UNC5D: variants seen among roughly 807,000 people sequenced by gnomAD.
UNC5D encodes netrin receptor UNC5D.
UNC5D carries 39 observed loss-of-function variants against 105.4 expected under a neutral mutation model. The observed-to-expected ratio is 0.37, with a 90% CI of 0.29 to 0.48. The LOEUF is 0.48. UNC5D is among the 20% of genes least tolerant of loss of function. The probability of loss-of-function intolerance (pLI) is 0.98; values close to 1 mark genes in which losing one functional copy is unlikely to be tolerated. For missense variants in UNC5D, 991 were observed against 1,202.4 expected (o/e 0.82, Z 2.60); for synonymous variants, 452 against 450.4 (o/e 1.00, Z -0.04).
intron 3 of UNC5D, among the ~76,000 whole-genome samples, chr8:35,580,421 C>G (rs890276954): frequency 6.6e-6 from 1 of 151,958 alleles, no homozygotes; most frequent in African/African-American, 2.4e-5. Flanking sequence ...TAGTCCTCAG[C>G]TCTCAAATTG....
At chr8:35,681,980 G>A (rs113863678) in intron 4 of UNC5D, among the ~76,000 whole-genome samples, 9,500 of 151,882 alleles carry the variant, frequency 0.063, 811 homozygotes, top group African/African-American at 0.19. Context: ...TTGGGGGGAG[G>A]GGCGGACGGA....
At chr8:35,614,563 C>CT (rs1820892797) in intron 4 of UNC5D, among the ~76,000 whole-genome samples, 1 of 150,482 alleles carries the variant, frequency 6.6e-6, no homozygotes, top group Admixed American at 6.6e-5. Context: ...CTAATACACT[C>CT]TAAAAAAAAA....
chr8:35,282,365 TGTAAG>T (rs1312528545), intron 1 of UNC5D, among the ~76,000 whole-genome samples: 1 of 152,190 alleles, frequency 6.6e-6, no homozygotes, highest in Non-Finnish European at 1.5e-5. Flanking sequence ...ACATTCCTCT[TGTAAG>T]GAACAATAAG....
chr8:35,424,422 T>C (rs1232204272), intron 1 of UNC5D, among the ~76,000 whole-genome samples: 1 of 152,212 alleles, frequency 6.6e-6, no homozygotes, highest in East Asian at 1.9e-4. Context: ...TAAATCTCAG[T>C]TTGGACTAGT....
Position 35,483,488 on chromosome 8 carries a change from G to A in UNC5D, c.104-65804G>A, listed in dbSNP as rs76202558. Among the ~76,000 whole-genome samples the A allele has an allele frequency of 7.2e-5, 11 of 152,184 alleles. No individual in the cohort carries two copies. The East Asian group carries it at 2.1e-3, about 29-fold the overall frequency. On this transcript the variant is annotated intron_variant, in intron 1 of 16. Transcript: ENST00000404895. ...ACATTGCTAGCAAGCAAGTCTTCCT[G>A]AAGCATACTATAGATTAGGTCATTC... is the stretch of plus-strand genomic sequence containing the variant.
chr8:35,246,378 C>T (rs1803098969), intron 1 of UNC5D, among the ~76,000 whole-genome samples: 1 of 152,090 alleles, frequency 6.6e-6, no homozygotes. Context: ...TAAGCATTTT[C>T]AAGAATGTAC....
At chr8:35,384,231 CAAAA>C (rs1158648604) in intron 1 of UNC5D, among the ~76,000 whole-genome samples, 78 of 144,682 alleles carry the variant, frequency 5.4e-4, no homozygotes, top group Non-Finnish European at 1.0e-3. Flanking sequence ...AAAAAAAAAA[CAAAA>C]AAAAACTAAC....
At chr8:35,410,779 G>A (rs1366795368) in intron 1 of UNC5D, among the ~76,000 whole-genome samples, 6 of 152,036 alleles carry the variant, frequency 3.9e-5, no homozygotes, top group African/African-American at 9.7e-5. Context: ...GGTTGCACAC[G>A]AAATTGATGT....
intron 1 of UNC5D, among the ~76,000 whole-genome samples, chr8:35,330,698 C>A (rs1476012844): frequency 6.6e-6 from 1 of 152,110 alleles, no homozygotes; most frequent in African/African-American, 2.4e-5. Context: ...ATGATATGAA[C>A]GAGCCTGACT....
intron 1 of UNC5D, among the ~76,000 whole-genome samples, chr8:35,275,954 T>C (rs536206809): frequency 6.6e-6 from 1 of 152,324 alleles, no homozygotes; most frequent in East Asian, 1.9e-4. Flanking sequence ...ATGGGATATG[T>C]CCATGTACTG....
chr8:35,681,185 T>C (rs1274135705), intron 4 of UNC5D, among the ~76,000 whole-genome samples: 13 of 152,186 alleles, frequency 8.5e-5, no homozygotes, highest in Non-Finnish European at 1.5e-4. Context: ...AGAAAGATCA[T>C]GGCAGGGCAG....
At chr8:35,608,395 T>C (rs557351200) in intron 4 of UNC5D, among the ~76,000 whole-genome samples, 50 of 152,342 alleles carry the variant, frequency 3.3e-4, no homozygotes, top group African/African-American at 1.1e-3. Context: ...AATAGGCTAT[T>C]GATGCCTTAG....
At chr8:35,644,428 A>T (rs538059170) in intron 4 of UNC5D, among the ~76,000 whole-genome samples, 1 of 152,232 alleles carries the variant, frequency 6.6e-6, no homozygotes, top group East Asian at 1.9e-4. Context: ...ATTTCTGCTG[A>T]TTCAACATTT....
intron 1 of UNC5D, among the ~76,000 whole-genome samples, chr8:35,331,139 G>A (rs1192367026): frequency 2.0e-5 from 3 of 152,144 alleles, no homozygotes; most frequent in Non-Finnish European, 4.4e-5. Context: ...AGGAAAAAGA[G>A]GAAGATGAGT....
At chr8:35,469,292 G>A (rs1404435723) in intron 1 of UNC5D, among the ~76,000 whole-genome samples, 2 of 152,188 alleles carry the variant, frequency 1.3e-5, no homozygotes, top group Admixed American at 1.3e-4. Context: ...TCATTTTAAA[G>A]TGGGGGTAAT....
chr8:35,284,555 T>G (rs1353155712), intron 1 of UNC5D, among the ~76,000 whole-genome samples: 1 of 151,926 alleles, frequency 6.6e-6, no homozygotes, highest in Admixed American at 6.6e-5. Flanking sequence ...ATAATGTTTC[T>G]TTTCTTTTCT....
chr8:35,250,171 T>G (rs1037041027), intron 1 of UNC5D, among the ~76,000 whole-genome samples: 11 of 152,186 alleles, frequency 7.2e-5, no homozygotes, highest in African/African-American at 2.7e-4. Flanking sequence ...GAGAAAGAGT[T>G]TAATTCTGAA....
chr8:35,519,009 T>G (rs1401062276), intron 1 of UNC5D, among the ~76,000 whole-genome samples: 1 of 152,178 alleles, frequency 6.6e-6, no homozygotes, highest in African/African-American at 2.4e-5. Context: ...TCCCTCTTGC[T>G]TTCTCCAGAA....
intron 1 of UNC5D, among the ~76,000 whole-genome samples, chr8:35,417,706 A>G (rs1328952305): frequency 6.6e-6 from 1 of 152,152 alleles, no homozygotes. Flanking sequence ...TTGCTTATTT[A>G]TTATGATGTC....
Sources: allele counts gnomAD v4.1 joint callset (sites outside exome capture counted in the v4.1 genomes callset), GRCh38; gene constraint gnomAD v4.1.1; transcripts MANE v1.5; gene names NCBI Gene and HGNC (gene_info 2026-07-23, HGNC 2026-07-21).